Variants in DAPK2 observed in about 807,000 individuals in gnomAD.
DAPK2 encodes the protein death-associated protein kinase 2.
A neutral mutation model predicts 44.1 loss-of-function variants in DAPK2; 35 were observed. The observed-to-expected ratio is 0.79, with a 90% confidence interval of 0.61 to 1.05. The LOEUF (loss-of-function observed/expected upper bound fraction) is 1.05. Among genes scored for constraint, DAPK2 ranks in the 50% least tolerant of loss-of-function variants. The pLI, the probability that DAPK2 is intolerant of heterozygous loss-of-function variation, is 0.00. For missense variants in DAPK2, 453 were observed against 483.2 expected (o/e 0.94, Z 0.59); for synonymous variants, 174 against 182.6 (o/e 0.95, Z 0.38).
At chr15:63,929,397 CAGCACTT>C in intron 6 of DAPK2, 147 bp downstream of exon 7, 6 of 914,560 alleles carry the variant, frequency 6.6e-6, no homozygotes, top group Non-Finnish European at 8.3e-6. Flanking sequence ...AATGGACCTA[CAGCACTT>C]AGCCTCAGGC....
intron 1 of DAPK2, among the ~76,000 whole-genome samples, chr15:64,008,515 T>C (rs890717904): frequency 5.9e-5 from 9 of 152,182 alleles, no homozygotes; most frequent in Non-Finnish European, 1.2e-4. Flanking sequence ...CATAGTTTCA[T>C]AGACAAGAAA....
chr15:64,034,146 G>A (rs2080108572), intron 1 of DAPK2, among the ~76,000 whole-genome samples: 1 of 152,184 alleles, frequency 6.6e-6, no homozygotes. Flanking sequence ...GCTGAGATGA[G>A]TAAATCGAAC....
intron 4 of DAPK2, among the ~76,000 whole-genome samples, chr15:63,932,143 G>C (rs2076974312): frequency 7.0e-6 from 1 of 143,036 alleles, no homozygotes; most frequent in Admixed American, 7.3e-5. Flanking sequence ...CGCCAGCCTG[G>C]GTGACAGAGT....
rs766742488 is a variant in DAPK2, at chr15:64,020,822, A to G, written c.92+19348T>C. On this transcript the variant is annotated intron_variant, in intron 1 of 10. Coordinates refer to ENST00000261891, the Ensembl canonical transcript of DAPK2. This position sits in a 1 kb window ranked among gnomAD's most constrained non-coding sequence, Gnocchi z 4.5. ...ACTTGGTGTGATACCAAATGCCTAC[A>G]GTGTTTCTATGGAGTAATGGAAAGG... Among the ~76,000 whole-genome samples the G allele has an allele frequency of 2.6e-5, 4 of 152,206 alleles. No individual in the cohort carries two copies. Among genetic ancestry groups the G allele is most frequent in the Non-Finnish European group, 5.9e-5 (4 of 68,030 alleles).
At chr15:63,975,815 G>A (rs1447925595) in intron 2 of DAPK2, among the ~76,000 whole-genome samples, 3 of 151,972 alleles carry the variant, frequency 2.0e-5, no homozygotes, top group African/African-American at 7.3e-5. Flanking sequence ...GCCAAGCTGG[G>A]ACTCCTGACC....
At chr15:63,988,997 T>C (rs1404544249) in intron 1 of DAPK2, among the ~76,000 whole-genome samples, 2 of 151,310 alleles carry the variant, frequency 1.3e-5, no homozygotes, top group Admixed American at 6.6e-5. Context: ...CTAGCCAATA[T>C]GGTGAAACCC....
intron 1 of DAPK2, among the ~76,000 whole-genome samples, chr15:63,989,429 T>C (rs1385698542): frequency 6.6e-6 from 1 of 152,084 alleles, no homozygotes; most frequent in African/African-American, 2.4e-5. Flanking sequence ...GTAAAGTGAC[T>C]GGCAATTGGG....
intron 1 of DAPK2, among the ~76,000 whole-genome samples, chr15:64,036,674 T>C (rs1355484202): frequency 6.6e-6 from 1 of 152,058 alleles, no homozygotes; most frequent in Non-Finnish European, 1.5e-5. Context: ...TAACAAACTG[T>C]TGTTCATTTT....
At chr15:63,999,775 A>T (rs1397143780) in intron 1 of DAPK2, among the ~76,000 whole-genome samples, 1 of 150,262 alleles carries the variant, frequency 6.7e-6, no homozygotes, top group African/African-American at 2.5e-5. Context: ...TTATTTTTTT[A>T]TTTTTTTTGA....
chr15:63,924,825 G>A (rs1227022985), exon 8 of DAPK2: 5 of 1,614,208 alleles, frequency 3.1e-6, no homozygotes, highest in Non-Finnish European at 3.4e-6. Flanking sequence ...CCGTGATCCA[G>A]GGGTGTCTGA....
intron 1 of DAPK2, 121 bp downstream of exon 2, chr15:64,040,049 C>T: frequency 1.4e-6 from 1 of 737,098 alleles, no homozygotes; most frequent in Non-Finnish European, 2.4e-6. Context: ...TCCTCAGGCT[C>T]ATTTTTAAAG....
chr15:63,979,256 A>T (rs1422097167), intron 2 of DAPK2, among the ~76,000 whole-genome samples: 1 of 152,220 alleles, frequency 6.6e-6, no homozygotes, highest in African/African-American at 2.4e-5. Context: ...GTCAACTTAT[A>T]TGGACAATTA....
intron 7 of DAPK2, among the ~76,000 whole-genome samples, chr15:63,925,678 G>GCGCGCGCGCA (rs1352051474): frequency 5.7e-4 from 79 of 138,540 alleles, no homozygotes; most frequent in African/African-American, 2.0e-3. Flanking sequence ...GACTTGTAGC[G>GCGCGCGCGCA]CACACACACA....
At chr15:63,946,077 C>T (rs1413717311) in intron 3 of DAPK2, among the ~76,000 whole-genome samples, 1 of 152,280 alleles carries the variant, frequency 6.6e-6, no homozygotes, top group Non-Finnish European at 1.5e-5. Context: ...CACATTCCCA[C>T]AGGTGCCGCC....
At chr15:63,941,759 T>C (rs568958719) in intron 3 of DAPK2, among the ~76,000 whole-genome samples, 111 of 152,292 alleles carry the variant, frequency 7.3e-4, no homozygotes, top group African/African-American at 2.1e-3. Flanking sequence ...CACCGCAAAT[T>C]TCCCTAAGGC....
chr15:63,958,764 G>A (rs1026317220), intron 3 of DAPK2, among the ~76,000 whole-genome samples: 2 of 152,214 alleles, frequency 1.3e-5, no homozygotes, highest in African/African-American at 4.8e-5. Flanking sequence ...TAGCATTGTA[G>A]TATAGTTTGA....
chr15:63,962,588 A>C (rs1360307889), intron 3 of DAPK2, among the ~76,000 whole-genome samples: 2 of 152,198 alleles, frequency 1.3e-5, no homozygotes, highest in Admixed American at 1.3e-4. Flanking sequence ...CTTCAGCTGC[A>C]AGTCTGTTGG....
intron 2 of DAPK2, among the ~76,000 whole-genome samples, chr15:63,974,266 T>G (rs1195967300): frequency 6.6e-6 from 1 of 152,238 alleles, no homozygotes; most frequent in Non-Finnish European, 1.5e-5. Context: ...TAAAGATGTT[T>G]ATTCTGAGCC....
chr15:63,974,349 A>G (rs2140772610), intron 2 of DAPK2, among the ~76,000 whole-genome samples: 1 of 152,338 alleles, frequency 6.6e-6, no homozygotes, highest in Non-Finnish European at 1.5e-5. Context: ...TAGTTGGGTA[A>G]CAGCTTGATT....
Sources: gnomAD v4.1 joint callset for allele counts (sites outside exome capture counted in the v4.1 genomes callset) on GRCh38, gnomAD v4.1.1 for gene constraint, Gnocchi (gnomAD v3.1) non-coding constraint, MANE v1.5 for transcripts, NCBI Gene and HGNC (gene_info 2026-07-23, HGNC 2026-07-21) for gene names.